The following CD302 variants were observed in gnomAD, a reference collection of about 807,000 sequenced individuals.
The protein encoded by CD302 is CD302 antigen.
Under a neutral mutation model 26.5 loss-of-function variants are expected in CD302, and 23 were observed. The observed-to-expected ratio is 0.87, with a 90% confidence interval of 0.62 to 1.23. CD302 has a LOEUF of 1.23. Ranked by LOEUF, CD302 falls within the 50% of genes most tolerant of loss-of-function variation. The pLI, the probability that CD302 is intolerant of heterozygous loss-of-function variation, is 0.00. For synonymous variants in CD302, 90 were observed against 99.4 expected, an observed-to-expected ratio of 0.91 and a Z score of 0.56; for missense variants, 290 against 275.5, an observed-to-expected ratio of 1.05 and a Z score of -0.37.
chr2:159,791,360 G>T (rs960924747), intron 1 of CD302, among the ~76,000 whole-genome samples: 1 of 152,194 alleles, frequency 6.6e-6, no homozygotes, highest in Admixed American at 6.5e-5. Context: ...TTTGACTAAG[G>T]AAATTATCCT....
At chr2:159,780,580 C>G (rs1325310509) in intron 3 of CD302, among the ~76,000 whole-genome samples, 1 of 152,124 alleles carries the variant, frequency 6.6e-6, no homozygotes, top group Non-Finnish European at 1.5e-5. Flanking sequence ...ATAATTTAGT[C>G]TATCCTTAGC....
Position 159,771,797 on chromosome 2 carries a change from A to G in CD302, c.*54T>C, listed in dbSNP as rs926997626. ...AAGTTTTATATTAAAATCTTTCCCA[A>G]GTTATCTCTGCCAGGGCATTTTGTT... On this transcript the variant is annotated 3_prime_UTR_variant, in exon 6 of 6. Coordinates refer to ENST00000259053, the MANE Select transcript of CD302 (RefSeq NM_014880.5). 2 of 1,584,286 alleles carry G rather than the reference A, an allele frequency of 1.3e-6. No homozygotes were observed. Among genetic ancestry groups the G allele is most frequent in the African/African-American group, 1.4e-5 (1 of 73,922 alleles).
intron 1 of CD302, among the ~76,000 whole-genome samples, chr2:159,795,220 C>G (rs1360589571): frequency 6.8e-6 from 1 of 147,384 alleles, no homozygotes; most frequent in Non-Finnish European, 1.5e-5. Flanking sequence ...GAGACTCCAT[C>G]TCGGAAAAAA....
At chr2:159,777,671 C>CTT (rs796452424) in intron 5 of CD302, among the ~76,000 whole-genome samples, 35 of 152,052 alleles carry the variant, frequency 2.3e-4, no homozygotes, top group African/African-American at 8.2e-4. Flanking sequence ...TATTATGACA[C>CTT]TTAGGGAAAA....
chr2:159,775,124 A>G (rs946729978), intron 5 of CD302, among the ~76,000 whole-genome samples: 2 of 152,188 alleles, frequency 1.3e-5, no homozygotes, highest in Non-Finnish European at 2.9e-5. Context: ...AGGATGTGTC[A>G]CCATCTCACA....
chr2:159,796,328 TATGA>T (rs1187719068), intron 1 of CD302, among the ~76,000 whole-genome samples: 1 of 152,200 alleles, frequency 6.6e-6, no homozygotes, highest in Non-Finnish European at 1.5e-5. Context: ...TTAGCATACA[TATGA>T]ATGTGTTCAG....
In CD302 at chr2:159,770,318, G is replaced by C. The variant is rs556617166; in HGVS notation, c.*1533C>G. On this transcript the variant is annotated 3_prime_UTR_variant, in exon 6 of 6. Transcript: ENST00000259053. ...AGAGCATGCTTGTGCTTGTGTAACA[G>C]CTGGTGTAATGCCTGCATTTTCAGT... The C allele has an allele frequency of 6.6e-6, 1 of 152,268 alleles. No homozygotes were observed. Among genetic ancestry groups the C allele is most frequent in the Admixed American group, 6.5e-5 (1 of 15,292 alleles). 9.4% of individuals were successfully genotyped at this position (152,268 alleles called of 1,614,324 possible). A position where few individuals can be genotyped will look rare whatever the true frequency, so the allele number is the denominator to read the frequency against.
intron 4 of CD302, among the ~76,000 whole-genome samples, 185 bp from the exon 5 acceptor site, chr2:159,778,149 T>A (rs185738659): frequency 3.9e-5 from 6 of 152,280 alleles, no homozygotes; most frequent in Non-Finnish European, 1.5e-5. Flanking sequence ...TTGAACTTAG[T>A]TTTTAAAGAA....
intron 3 of CD302, 142 bp from the exon 4 acceptor site, chr2:159,780,320 A>G: frequency 3.1e-6 from 3 of 965,022 alleles, no homozygotes. Context: ...AGAAGGAGGA[A>G]TATATCCTGT....
intron 2 of CD302, chr2:159,781,386 C>CA (rs11451100): frequency 0.29 from 37,988 of 129,856 alleles, 6,574 homozygotes; most frequent in African/African-American, 0.51. Context: ...CTGTCCCTAC[C>CA]AAAAAAAAAT....
intron 5 of CD302, among the ~76,000 whole-genome samples, chr2:159,774,372 T>C (rs1239673111): frequency 6.6e-6 from 1 of 152,212 alleles, no homozygotes; most frequent in Non-Finnish European, 1.5e-5. Context: ...TACACATTTT[T>C]CTTCTGTTTC....
intron 2 of CD302, 82 bp downstream of exon 2, chr2:159,783,277 G>C: frequency 8.4e-7 from 1 of 1,190,794 alleles, no homozygotes; most frequent in Non-Finnish European, 1.1e-6. Context: ...AGTCAGATGT[G>C]ACAAAATCAA....
chr2:159,796,466 G>A (rs1708957920), intron 1 of CD302, among the ~76,000 whole-genome samples: 1 of 152,096 alleles, frequency 6.6e-6, no homozygotes, highest in Admixed American at 6.5e-5. Flanking sequence ...CCTGTAATAG[G>A]GACTAGACGT....
At chr2:159,781,800 A>G (rs1708519947) in intron 2 of CD302, among the ~76,000 whole-genome samples, 2 of 152,178 alleles carry the variant, frequency 1.3e-5, no homozygotes, top group African/African-American at 2.4e-5. Context: ...ACTTTTTCAA[A>G]GGGAAACAAC....
intron 1 of CD302, among the ~76,000 whole-genome samples, chr2:159,784,972 CTTTTTT>C (rs35915930): frequency 9.0e-6 from 1 of 111,730 alleles, no homozygotes; most frequent in Non-Finnish European, 1.8e-5. Context: ...TCCGTACAGA[CTTTTTT>C]TTTTTTTTTT....
intron 1 of CD302, among the ~76,000 whole-genome samples, chr2:159,788,935 T>C (rs1708736485): frequency 6.6e-6 from 1 of 152,198 alleles, no homozygotes; most frequent in Non-Finnish European, 1.5e-5. Context: ...TTCAATACTG[T>C]TAATACTCTC....
At chr2:159,774,076 G>A (rs75533031) in intron 5 of CD302, among the ~76,000 whole-genome samples, 8 of 139,536 alleles carry the variant, frequency 5.7e-5, no homozygotes, top group African/African-American at 1.7e-4. Flanking sequence ...GTTCATCCTG[G>A]GGCAACTAGA....
chr2:159,785,846 C>A (rs922714227), intron 1 of CD302, among the ~76,000 whole-genome samples: 5 of 152,186 alleles, frequency 3.3e-5, no homozygotes, highest in African/African-American at 9.6e-5. Context: ...TAACCACACA[C>A]CATCCAATGG....
chr2:159,773,892 T>C (rs1016734179), intron 5 of CD302, among the ~76,000 whole-genome samples: 1 of 152,168 alleles, frequency 6.6e-6, no homozygotes, highest in Admixed American at 6.6e-5. Flanking sequence ...GGAAAAATAC[T>C]TTTTAGCCTA....
Sources: allele counts gnomAD v4.1 joint callset (sites outside exome capture counted in the v4.1 genomes callset), GRCh38; gene constraint gnomAD v4.1.1; transcripts MANE v1.5; gene names NCBI Gene and HGNC (gene_info 2026-07-23, HGNC 2026-07-21).